Variants in APLP2 observed in about 807,000 individuals in gnomAD.
APLP2 encodes the protein CDEI box-binding protein.
A neutral mutation model predicts 89.9 loss-of-function variants in APLP2; 53 were observed. The ratio of observed to expected loss-of-function variants is 0.59; its 90% CI spans 0.47 to 0.74. The LOEUF is 0.74. Ranked by LOEUF, APLP2 falls within the 30% of genes least tolerant of loss-of-function variation. APLP2 has a pLI of 0.00. For missense variants in APLP2, 973 were observed against 975.9 expected, an observed-to-expected ratio of 1.00 and a Z score of 0.04; for synonymous variants, 372 against 348.6, an observed-to-expected ratio of 1.07 and a Z score of -0.75.
intron 12 of APLP2, among the ~76,000 whole-genome samples, chr11:130,134,312 G>C (rs544817464): frequency 1.3e-5 from 2 of 152,328 alleles, no homozygotes; most frequent in African/African-American, 2.4e-5. Flanking sequence ...CGGGGCGGCT[G>C]CCTCTGGGGA....
At chr11:130,091,619 G>T (rs1246173796) in intron 1 of APLP2, among the ~76,000 whole-genome samples, 9 of 125,472 alleles carry the variant, frequency 7.2e-5, no homozygotes, top group African/African-American at 2.6e-4. Flanking sequence ...CCTCCCAGAC[G>T]GGGTGGCTGG....
intron 1 of APLP2, among the ~76,000 whole-genome samples, chr11:130,090,740 G>A (rs1329455010): frequency 5.3e-5 from 8 of 152,210 alleles, no homozygotes; most frequent in Non-Finnish European, 1.2e-4. Context: ...CCACAAAGCC[G>A]CCATTGTCAT....
chr11:130,084,850 A>G (rs181376218), intron 1 of APLP2, among the ~76,000 whole-genome samples: 4 of 152,352 alleles, frequency 2.6e-5, no homozygotes, highest in African/African-American at 9.6e-5. Flanking sequence ...ATAGAAAAAA[A>G]CAATAGAAAA....
At chr11:130,134,948 A>T (rs2136086747) in intron 12 of APLP2, among the ~76,000 whole-genome samples, 1 of 152,226 alleles carries the variant, frequency 6.6e-6, no homozygotes, top group East Asian at 1.9e-4. Flanking sequence ...GTTGGATGTT[A>T]TGTGGGGATG....
chr11:130,091,254 TGGCCGGGCGGGG>T (rs1945070124), intron 1 of APLP2, among the ~76,000 whole-genome samples: 1 of 126,844 alleles, frequency 7.9e-6, no homozygotes, highest in South Asian at 2.5e-4. Flanking sequence ...ACGGGGCGGC[TGGCCGGGCGGGG>T]GGCTGACCCC....
chr11:130,135,581 A>G lies in APLP2; in HGVS notation c.1703A>G (p.Gln568Arg). ...TCATCAGATGAGCTCCTTCAGGAGCAGCGTGCAGATATGGACCAGTTCACT... is the reference window on the plus strand; with the variant it reads ...TCATCAGATGAGCTCCTTCAGGAGCGGCGTGCAGATATGGACCAGTTCACT... The part of the protein sequence containing the change: ...QEEIDELLQE[Q>R]RADMDQFTAS... Residue 568 changes from glutamine (Q) to arginine (R), a missense_variant, in exon 13 of 17, where the codon CAG (glutamine) becomes CGG (arginine). By Grantham distance (43) the Gln-to-Arg change is conservative (BLOSUM62 1). Transcript: ENST00000338167. 2 of 1,614,154 alleles carry G rather than the reference A, an allele frequency of 1.2e-6. No individual in the cohort carries two copies. The highest frequency in any genetic ancestry group is 1.7e-6 in the Non-Finnish European group (2 of 1,180,004).
intron 1 of APLP2, chr11:130,109,091 C>G (rs1948193345): frequency 6.4e-6 from 1 of 156,358 alleles, no homozygotes; most frequent in Non-Finnish European, 1.4e-5. Context: ...GGAGATATAC[C>G]TAATGTAAAT....
chr11:130,097,957 A>G (rs1429510895), intron 1 of APLP2, among the ~76,000 whole-genome samples: 1 of 152,160 alleles, frequency 6.6e-6, no homozygotes, highest in Non-Finnish European at 1.5e-5. Flanking sequence ...TTACGCGTGG[A>G]TGTGTGCACA....
chr11:130,117,379 G>A (rs1048193390), intron 3 of APLP2, among the ~76,000 whole-genome samples: 1 of 152,090 alleles, frequency 6.6e-6, no homozygotes, highest in African/African-American at 2.4e-5. Context: ...ATAATGTGAT[G>A]GTTGCTCATA....
chr11:130,137,104 G>T (rs1951714261), intron 13 of APLP2: 2 of 693,546 alleles, frequency 2.9e-6, no homozygotes, highest in South Asian at 3.5e-5. Flanking sequence ...TTTGTTTATG[G>T]GATATTTCAG....
intron 1 of APLP2, chr11:130,070,443 C>T (rs1940745731): frequency 1.2e-6 from 1 of 851,470 alleles, no homozygotes; most frequent in Non-Finnish European, 1.5e-6. Context: ...CAGGGCGCTC[C>T]TCTCCCGCCG....
At chr11:130,110,334 G>A (rs1382640627) in intron 2 of APLP2, among the ~76,000 whole-genome samples, 1 of 152,244 alleles carries the variant, frequency 6.6e-6, no homozygotes, top group Non-Finnish European at 1.5e-5. Flanking sequence ...ATGCGTGGAA[G>A]TGTTCAGAAA....
At position 130,080,190 on chromosome 11, in the gene APLP2, G is replaced by T. The variant is rs1183640830; in HGVS notation, c.105+10108G>T. On this transcript the variant is annotated intron_variant, in intron 1 of 16. Coordinates refer to ENST00000338167, the MANE Select transcript of APLP2 (RefSeq NM_001142276.2). ...AAAGTTAATAGCCTCCTAAGTTTTG[G>T]GGGAAGAGAGCATTGCCTTTATTAC... is the stretch of plus-strand genomic sequence containing the variant. Among the ~76,000 whole-genome samples the T allele has an allele frequency of 2.0e-5, 3 of 151,990 alleles. No individual in the cohort carries two copies. In the East Asian group the frequency reaches 5.8e-4, roughly 29 times the overall value.
rs773462397 is a variant in APLP2, at chr11:130,121,798, ATGT to A, written c.703_705del (p.Val235del). ...GAGGAAGATGAAGAGGAAGACTATG[ATGT>A]TTATAAAAGGTAACTCTTCTACTTT... On this transcript the variant is annotated inframe_deletion, in exon 5 of 17. Coordinates refer to ENST00000338167, the MANE Select transcript of APLP2 (RefSeq NM_001142276.2). 2.0e-5 allele frequency: 33 copies of A among 1,611,430 alleles called. No homozygotes were observed. In the East Asian group the frequency reaches 6.9e-4, roughly 34 times the overall value.
chr11:130,093,018 C>A (rs1012919043), intron 1 of APLP2, among the ~76,000 whole-genome samples: 1 of 152,122 alleles, frequency 6.6e-6, no homozygotes, highest in Non-Finnish European at 1.5e-5. Context: ...GAGCATTTAG[C>A]CCCCTGAATA....
intron 1 of APLP2, among the ~76,000 whole-genome samples, chr11:130,102,720 T>C (rs938163984): frequency 1.3e-5 from 2 of 152,170 alleles, no homozygotes; most frequent in Non-Finnish European, 1.5e-5. Context: ...AGGTTGAGAC[T>C]TAGATTTATT....
intron 13 of APLP2, among the ~76,000 whole-genome samples, chr11:130,136,234 C>A (rs1394135670): frequency 6.6e-6 from 1 of 152,166 alleles, no homozygotes; most frequent in Non-Finnish European, 1.5e-5. Flanking sequence ...TGTGAGTCTG[C>A]TCCAGAAATA....
intron 3 of APLP2, among the ~76,000 whole-genome samples, chr11:130,120,374 T>A (rs1452827544): frequency 6.6e-6 from 1 of 152,180 alleles, no homozygotes; most frequent in Non-Finnish European, 1.5e-5. Context: ...GGCAGAGCCA[T>A]GTGGGGAGAG....
chr11:130,078,109 T>A (rs1045819053), intron 1 of APLP2, among the ~76,000 whole-genome samples: 1 of 152,168 alleles, frequency 6.6e-6, no homozygotes, highest in Non-Finnish European at 1.5e-5. Context: ...TTGTATTTCC[T>A]TATAGTATTA....
Sources: allele counts gnomAD v4.1 joint callset (sites outside exome capture counted in the v4.1 genomes callset), GRCh38; gene constraint gnomAD v4.1.1; transcripts MANE v1.5; gene names NCBI Gene and HGNC (gene_info 2026-07-23, HGNC 2026-07-21).